STIM1: variants seen among roughly 807,000 people sequenced by gnomAD.
The protein encoded by STIM1 is stromal interaction molecule 1.
In STIM1, 25 loss-of-function variants were observed where a neutral mutation model predicts 74.7. The observed-to-expected ratio is 0.33, with a 90% CI of 0.24 to 0.47. The LOEUF (loss-of-function observed/expected upper bound fraction) is 0.47, where lower values mean the gene tolerates loss of function less well. STIM1 is among the 20% of genes least tolerant of loss of function. The pLI is 1.00. For missense variants in STIM1, 728 were observed against 920.8 expected (o/e 0.79, Z 2.71); for synonymous variants, 328 against 348.8 (o/e 0.94, Z 0.66).
chr11:3,978,284 G>A (rs2093468896), intron 2 of STIM1, among the ~76,000 whole-genome samples: 1 of 151,536 alleles, frequency 6.6e-6, no homozygotes, highest in South Asian at 2.1e-4. Flanking sequence ...GAGTAGCTGG[G>A]ATTACAGGCA....
intron 5 of STIM1, among the ~76,000 whole-genome samples, chr11:4,067,724 C>T (rs1023607837): frequency 1.3e-5 from 2 of 152,126 alleles, no homozygotes; most frequent in African/African-American, 2.4e-5. Context: ...GGATAAGAGA[C>T]GATGAATATA....
At chr11:3,889,398 C>T (rs1427151649) in intron 1 of STIM1, among the ~76,000 whole-genome samples, 1 of 147,474 alleles carries the variant, frequency 6.8e-6, no homozygotes, top group East Asian at 2.0e-4. Flanking sequence ...GATAGAGTCT[C>T]GCTTTGTCGC....
intron 5 of STIM1, among the ~76,000 whole-genome samples, chr11:4,068,535 GA>G (rs1251093781): frequency 6.6e-6 from 1 of 152,198 alleles, no homozygotes; most frequent in African/African-American, 2.4e-5. Flanking sequence ...CTGTGCTGCA[GA>G]AATAGCTCCC....
At chr11:3,980,610 T>TA (rs34722747) in intron 2 of STIM1, among the ~76,000 whole-genome samples, 62 of 126,446 alleles carry the variant, frequency 4.9e-4, no homozygotes, top group African/African-American at 8.3e-4. Flanking sequence ...CCCATCTCTT[T>TA]AAAAAAAAAA....
intron 2 of STIM1, among the ~76,000 whole-genome samples, chr11:4,023,642 G>A (rs1021726828): frequency 1.3e-5 from 2 of 152,130 alleles, no homozygotes; most frequent in African/African-American, 2.4e-5. Context: ...ATGAGGAAAG[G>A]ATTTCTAATT....
At chr11:4,033,510 T>C (rs2132939717) in intron 3 of STIM1, among the ~76,000 whole-genome samples, 1 of 152,320 alleles carries the variant, frequency 6.6e-6, no homozygotes, top group South Asian at 2.1e-4. Context: ...GCTTTTTTTT[T>C]CTTTTTCTTG....
chr11:3,947,100 GTTT>G (rs57701004), intron 1 of STIM1, among the ~76,000 whole-genome samples: 1 of 139,350 alleles, frequency 7.2e-6, no homozygotes. Context: ...CATTCTTAGT[GTTT>G]TTTTTTTTTT....
intron 2 of STIM1, among the ~76,000 whole-genome samples, chr11:3,979,338 G>T (rs956385839): frequency 3.9e-5 from 6 of 152,086 alleles, no homozygotes; most frequent in Non-Finnish European, 7.4e-5. Flanking sequence ...CTACATTTGG[G>T]TTCTGTGTCT....
intron 1 of STIM1, among the ~76,000 whole-genome samples, chr11:3,904,064 G>A (rs1446064089): frequency 1.3e-5 from 2 of 151,882 alleles, no homozygotes; most frequent in Admixed American, 1.3e-4. Flanking sequence ...GGGTGTGGTG[G>A]TATGTGCCTG....
intron 2 of STIM1, among the ~76,000 whole-genome samples, chr11:3,983,143 A>C (rs2093523386): frequency 1.3e-5 from 2 of 152,180 alleles, no homozygotes; most frequent in African/African-American, 2.4e-5. Flanking sequence ...TGTGTTGGCC[A>C]GGCTGGTCTC....
chr11:3,982,138 A>T (rs944041339), intron 2 of STIM1, among the ~76,000 whole-genome samples: 1 of 151,114 alleles, frequency 6.6e-6, no homozygotes, highest in Non-Finnish European at 1.5e-5. Context: ...GCAATCTTCC[A>T]ACTACAGCCT....
chr11:3,992,413 CA>C (rs994421914), intron 2 of STIM1, among the ~76,000 whole-genome samples: 1 of 149,472 alleles, frequency 6.7e-6, no homozygotes, highest in African/African-American at 2.5e-5. Context: ...GACTCTGTCT[CA>C]AAAAAAAATT....
intron 1 of STIM1, among the ~76,000 whole-genome samples, chr11:3,861,892 G>A (rs186975714): frequency 1.3e-5 from 2 of 152,152 alleles, no homozygotes; most frequent in South Asian, 2.1e-4. Context: ...CAGGACTTGA[G>A]TTTCAGACCC....
At chr11:4,090,904 C>G (rs1326035454) in intron 12 of STIM1, among the ~76,000 whole-genome samples, 1 of 152,020 alleles carries the variant, frequency 6.6e-6, no homozygotes, top group African/African-American at 2.4e-5. Context: ...GTTTTTGTTT[C>G]TTATCTGTTT....
rs542303936 is a variant in STIM1, at chr11:4,047,630, A to AAAAC, written c.386-7892_386-7889dup. On this transcript the variant is annotated intron_variant, in intron 3 of 12. Coordinates refer to ENST00000526596, the MANE Select transcript of STIM1 (RefSeq NM_001382567.1). Reference sequence around the variant, plus strand: ...GACCCTTTTTCAAACAAAACAAAACAAAACAAAACAAAGACAAAGACAAAG... The same window carrying AAAAC: ...GACCCTTTTTCAAACAAAACAAAACAAAACAAACAAAACAAAGACAAAGACAAAG... Among the ~76,000 whole-genome samples, 204 of 151,668 alleles carry AAAAC rather than the reference A, an allele frequency of 1.3e-3. 2 individuals are homozygous for AAAAC. Among genetic ancestry groups the AAAAC allele is most frequent in the Non-Finnish European group, 2.1e-4 (14 of 67,918 alleles).
At chr11:4,027,351 A>T (rs549418081) in intron 3 of STIM1, among the ~76,000 whole-genome samples, 60 of 151,788 alleles carry the variant, frequency 4.0e-4, no homozygotes, top group Admixed American at 1.1e-3. Context: ...TCACTCTGTC[A>T]CCTGGGCTGG....
At chr11:4,008,811 C>G (rs2093807249) in intron 2 of STIM1, among the ~76,000 whole-genome samples, 1 of 151,974 alleles carries the variant, frequency 6.6e-6, no homozygotes, top group Non-Finnish European at 1.5e-5. Flanking sequence ...ATGGGGAGAG[C>G]ATGGAAACTT....
intron 4 of STIM1, chr11:4,058,843 G>C: frequency 9.8e-7 from 1 of 1,020,334 alleles, no homozygotes; most frequent in Non-Finnish European, 1.2e-6. Context: ...TATAATGACA[G>C]TGAGTTTAGA....
intron 1 of STIM1, among the ~76,000 whole-genome samples, chr11:3,889,861 A>G (rs1218105688): frequency 6.6e-6 from 1 of 152,178 alleles, no homozygotes; most frequent in African/African-American, 2.4e-5. Context: ...TATAAGGTAC[A>G]TAAACTGGAA....
Sources: gnomAD v4.1 joint callset for allele counts (sites outside exome capture counted in the v4.1 genomes callset) on GRCh38, gnomAD v4.1.1 for gene constraint, MANE v1.5 for transcripts, NCBI Gene and HGNC (gene_info 2026-07-23, HGNC 2026-07-21) for gene names.